The following IFT80 variants were observed in gnomAD, a reference collection of about 807,000 sequenced individuals.
IFT80 encodes intraflagellar transport protein 80 homolog.
A neutral mutation model predicts 107.9 loss-of-function variants in IFT80; 79 were observed. The ratio of observed to expected loss-of-function variants is 0.73; its 90% CI spans 0.61 to 0.88. The LOEUF is 0.88. Ranked by LOEUF, IFT80 falls within the 40% of genes least tolerant of loss-of-function variation. The pLI is 0.00. For synonymous variants in IFT80, 299 were observed against 300.9 expected (o/e 0.99, Z 0.07); for missense variants, 797 against 914.2 (o/e 0.87, Z 1.65).
In IFT80 at chr3:160,312,169, T is replaced by C. The variant is rs138209424; in HGVS notation, c.958-4388A>G. Among the ~76,000 whole-genome samples the C allele has an allele frequency of 3.1e-3, 475 of 152,168 alleles. 4 individuals are homozygous for C. The highest frequency in any genetic ancestry group is 0.011 in the African/African-American group (463 of 41,502). On this transcript the variant is annotated intron_variant, in intron 9 of 19. Coordinates refer to ENST00000326448, the MANE Select transcript of IFT80 (RefSeq NM_020800.3). ...AAGGCCACAGCTATATGACTGCAGGTTGTGTAGTGCACAACTCTGGGTCTA... is the reference window on the plus strand; with the variant it reads ...AAGGCCACAGCTATATGACTGCAGGCTGTGTAGTGCACAACTCTGGGTCTA...
At chr3:160,261,464 A>G (rs1226499367) in intron 19 of IFT80, among the ~76,000 whole-genome samples, 1 of 147,410 alleles carries the variant, frequency 6.8e-6, no homozygotes, top group African/African-American at 2.5e-5. Flanking sequence ...TATATCTAGT[A>G]TGCCAGAAGC....
At chr3:160,271,335 T>C (rs1426362736) in intron 18 of IFT80, among the ~76,000 whole-genome samples, 3 of 152,160 alleles carry the variant, frequency 2.0e-5, no homozygotes, top group African/African-American at 7.2e-5. Context: ...GTATTTTAAA[T>C]AGAAGGAAGT....
intron 8 of IFT80, among the ~76,000 whole-genome samples, chr3:160,348,484 A>G (rs567129494): frequency 6.6e-6 from 1 of 152,246 alleles, no homozygotes; most frequent in African/African-American, 2.4e-5. Context: ...AACACTGGAC[A>G]GCAATCAAAA....
At chr3:160,355,970 A>G in intron 8 of IFT80, 43 bp downstream of exon 8, 7 of 1,610,344 alleles carry the variant, frequency 4.3e-6, no homozygotes, top group Non-Finnish European at 5.9e-6. Context: ...GCATTACCAC[A>G]TTTATGACAG....
chr3:160,327,588 A>G (rs1718763820), intron 8 of IFT80, among the ~76,000 whole-genome samples: 1 of 152,170 alleles, frequency 6.6e-6, no homozygotes, highest in Non-Finnish European at 1.5e-5. Flanking sequence ...AGGAGTCCCT[A>G]TTTAATAAAC....
chr3:160,260,818 A>G (rs1324610364), intron 19 of IFT80, among the ~76,000 whole-genome samples: 1 of 152,180 alleles, frequency 6.6e-6, no homozygotes, highest in Non-Finnish European at 1.5e-5. Context: ...TTTCAAAATC[A>G]TACCAAAAGG....
At chr3:160,301,479 AT>A (rs1400851408) in intron 11 of IFT80, among the ~76,000 whole-genome samples, 3 of 151,854 alleles carry the variant, frequency 2.0e-5, no homozygotes, top group African/African-American at 7.2e-5. Flanking sequence ...TATGCTAAAA[AT>A]AATTAAAGAT....
At chr3:160,327,897 A>G (rs966047286) in intron 8 of IFT80, among the ~76,000 whole-genome samples, 6 of 152,222 alleles carry the variant, frequency 3.9e-5, no homozygotes, top group Admixed American at 3.3e-4. Context: ...CAGGGTAAAG[A>G]GACAACCTAC....
In IFT80 at chr3:160,366,164, A is replaced by C. The variant is rs748442129; in HGVS notation, c.440-12T>G. On this transcript the variant is annotated splice_polypyrimidine_tract_variant and intron_variant, in intron 5 of 19. Coordinates refer to ENST00000326448, the MANE Select transcript of IFT80 (RefSeq NM_020800.3). Reference sequence around the variant, plus strand: ...ATACACTGGTGTTCCTGTAAGATGAAAAAAGAAAAAAAAAAGGCTGATAAA... The same window carrying C: ...ATACACTGGTGTTCCTGTAAGATGACAAAAGAAAAAAAAAAGGCTGATAAA... 5 of 1,554,606 alleles carry C rather than the reference A, an allele frequency of 3.2e-6. No homozygotes were observed. Among genetic ancestry groups the C allele is most frequent in the African/African-American group, 1.4e-5 (1 of 73,474 alleles).
chr3:160,339,496 G>T (rs1476217230), intron 8 of IFT80, among the ~76,000 whole-genome samples: 1 of 151,992 alleles, frequency 6.6e-6, no homozygotes, highest in African/African-American at 2.4e-5. Context: ...AGTTTATCCT[G>T]TATATCTAAT....
intron 11 of IFT80, among the ~76,000 whole-genome samples, chr3:160,301,714 C>T (rs1205701980): frequency 6.6e-6 from 1 of 151,828 alleles, no homozygotes; most frequent in Non-Finnish European, 1.5e-5. Context: ...TTTTTATTAA[C>T]TCAAAACATA....
At chr3:160,298,249 C>A (rs1014038785) in intron 12 of IFT80, among the ~76,000 whole-genome samples, 1 of 152,074 alleles carries the variant, frequency 6.6e-6, no homozygotes, top group Non-Finnish European at 1.5e-5. Context: ...GAGTTAAATA[C>A]GTTGGGTACT....
chr3:160,266,774 T>C (rs548362519), intron 19 of IFT80, among the ~76,000 whole-genome samples: 120 of 152,310 alleles, frequency 7.9e-4, no homozygotes, highest in Middle Eastern at 6.8e-3. Context: ...TAGTTTAATC[T>C]GCTTTAAAAT....
intron 13 of IFT80, among the ~76,000 whole-genome samples, chr3:160,284,267 TAGAA>T (rs1714921905): frequency 6.6e-6 from 1 of 152,090 alleles, no homozygotes; most frequent in African/African-American, 2.4e-5. Context: ...AAAAGTGTTA[TAGAA>T]AGAGTTATAA....
At position 160,291,110 on chromosome 3, in the gene IFT80, G is replaced by A. The variant is rs559995700; in HGVS notation, c.1316-5242C>T. On this transcript the variant is annotated intron_variant, in intron 12 of 19. Coordinates refer to ENST00000326448, the MANE Select transcript of IFT80 (RefSeq NM_020800.3). ...ATGAATTCTCTATACAAAAACGCTG[G>A]GTAGAATACAGATTGGAACTTACAG... is the stretch of plus-strand genomic sequence containing the variant. Among the ~76,000 whole-genome samples, 9 of 152,204 alleles carry A rather than the reference G, an allele frequency of 5.9e-5. No homozygotes were observed. In the East Asian group the frequency reaches 1.4e-3, roughly 23 times the overall value.
intron 6 of IFT80, among the ~76,000 whole-genome samples, chr3:160,365,386 T>C (rs763586001): frequency 3.3e-5 from 5 of 152,114 alleles, no homozygotes; most frequent in Non-Finnish European, 5.9e-5. Flanking sequence ...TTCCCTAAAA[T>C]CTACATCTAC....
chr3:160,321,167 T>C (rs933949681), intron 8 of IFT80, among the ~76,000 whole-genome samples: 1 of 151,872 alleles, frequency 6.6e-6, no homozygotes, highest in Non-Finnish European at 1.5e-5. Flanking sequence ...ATTAAAAAAA[T>C]ACATATAATA....
At chr3:160,299,636 C>T (rs1431965425) in intron 12 of IFT80, among the ~76,000 whole-genome samples, 1 of 152,144 alleles carries the variant, frequency 6.6e-6, no homozygotes, top group Non-Finnish European at 1.5e-5. Flanking sequence ...TGTACACTTA[C>T]TTCCCACTGA....
At chr3:160,313,764 C>T (rs1253049654) in intron 9 of IFT80, among the ~76,000 whole-genome samples, 1 of 152,018 alleles carries the variant, frequency 6.6e-6, no homozygotes, top group African/African-American at 2.4e-5. Flanking sequence ...CACAAGCCAC[C>T]ACGCCCGGCT....
Sources: allele counts gnomAD v4.1 joint callset (sites outside exome capture counted in the v4.1 genomes callset), GRCh38; gene constraint gnomAD v4.1.1; transcripts MANE v1.5; gene names NCBI Gene and HGNC (gene_info 2026-07-23, HGNC 2026-07-21).